Variants in DIAPH3 observed in about 807,000 individuals in gnomAD.
The protein encoded by DIAPH3 is diaphanous related formin 3.
Under a neutral mutation model 144.3 loss-of-function variants are expected in DIAPH3, and 117 were observed. The observed-to-expected ratio is 0.81, with a 90% CI of 0.70 to 0.95. DIAPH3 has a LOEUF of 0.95. DIAPH3 is among the 40% of genes least tolerant of loss of function. The pLI, the probability that DIAPH3 is intolerant of heterozygous loss-of-function variation, is 0.00. For missense variants in DIAPH3, 1,421 were observed against 1,412.7 expected (o/e 1.01, Z -0.09); for synonymous variants, 519 against 488.9 (o/e 1.06, Z -0.81).
chr13:59,740,748 A>C (rs2036400325), intron 27 of DIAPH3, among the ~76,000 whole-genome samples: 2 of 152,222 alleles, frequency 1.3e-5, no homozygotes, highest in Non-Finnish European at 2.9e-5. Flanking sequence ...ACAAGTTAGA[A>C]TCACTTGATC....
chr13:59,846,238 T>TA (rs34037446), intron 22 of DIAPH3, among the ~76,000 whole-genome samples: 50 of 150,268 alleles, frequency 3.3e-4, no homozygotes, highest in Admixed American at 2.3e-3. Flanking sequence ...TCTTTGTAAT[T>TA]AAAAAAAAAA....
intron 27 of DIAPH3, among the ~76,000 whole-genome samples, chr13:59,716,321 G>C (rs917230789): frequency 6.6e-6 from 1 of 151,998 alleles, no homozygotes; most frequent in Non-Finnish European, 1.5e-5. Flanking sequence ...GAATACAGGC[G>C]CCCGCCACCA....
chr13:60,052,394 A>G (rs1340319143), intron 4 of DIAPH3, among the ~76,000 whole-genome samples: 1 of 152,204 alleles, frequency 6.6e-6, no homozygotes, highest in East Asian at 1.9e-4. Context: ...ACTAGGAGTG[A>G]TAAAGTCAAG....
At chr13:60,083,476 G>A (rs189542040) in intron 4 of DIAPH3, among the ~76,000 whole-genome samples, 269 of 152,016 alleles carry the variant, frequency 1.8e-3, no homozygotes, top group African/African-American at 6.0e-3. Flanking sequence ...GTAAAGAGAT[G>A]AAACCTGAGT....
At chr13:59,807,586 C>T (rs1264878233) in intron 25 of DIAPH3, among the ~76,000 whole-genome samples, 1 of 151,480 alleles carries the variant, frequency 6.6e-6, no homozygotes, top group African/African-American at 2.4e-5. Flanking sequence ...CTATGCTCTG[C>T]AGAGGGCACC....
At chr13:59,870,740 G>C (rs555231676) in intron 21 of DIAPH3, among the ~76,000 whole-genome samples, 2 of 150,106 alleles carry the variant, frequency 1.3e-5, no homozygotes, top group Non-Finnish European at 3.0e-5. Flanking sequence ...GCACGATCTC[G>C]GCTCACCACA....
At chr13:59,901,585 A>G (rs2046436759) in intron 20 of DIAPH3, among the ~76,000 whole-genome samples, 1 of 152,172 alleles carries the variant, frequency 6.6e-6, no homozygotes, top group African/African-American at 2.4e-5. Flanking sequence ...TACCATCCCC[A>G]ATAAAAATAT....
chr13:60,065,718 T>C (rs1242273174), intron 4 of DIAPH3, among the ~76,000 whole-genome samples: 1 of 152,156 alleles, frequency 6.6e-6, no homozygotes. Context: ...CCAGAATAGT[T>C]TATAAATATG....
intron 5 of DIAPH3, 133 bp downstream of exon 5, chr13:60,042,557 C>A: frequency 9.4e-7 from 1 of 1,062,644 alleles, no homozygotes; most frequent in Non-Finnish European, 1.4e-6. Flanking sequence ...TTTCTTCCTG[C>A]ATATAAATAT....
chr13:59,851,108 A>G (rs1369313625), intron 22 of DIAPH3, among the ~76,000 whole-genome samples: 1 of 152,004 alleles, frequency 6.6e-6, no homozygotes, highest in Non-Finnish European at 1.5e-5. Flanking sequence ...CTTGATGAAC[A>G]TTGATGCAAA....
chr13:59,814,137 T>A (rs969749520), intron 24 of DIAPH3, among the ~76,000 whole-genome samples: 1 of 152,146 alleles, frequency 6.6e-6, no homozygotes, highest in Admixed American at 6.6e-5. Context: ...AGGTATAACA[T>A]TTTCTGATGT....
intron 3 of DIAPH3, among the ~76,000 whole-genome samples, chr13:60,106,832 A>T (rs1320931870): frequency 6.6e-6 from 1 of 152,168 alleles, no homozygotes; most frequent in East Asian, 1.9e-4. Context: ...TATGCTGTTT[A>T]CATTTGTTTA....
intron 4 of DIAPH3, among the ~76,000 whole-genome samples, chr13:60,045,470 G>C (rs890620565): frequency 6.6e-6 from 1 of 152,022 alleles, no homozygotes; most frequent in African/African-American, 2.4e-5. Flanking sequence ...TGTTCTATAG[G>C]CTATTATCTT....
chr13:60,153,318 A>T (rs990779703), intron 1 of DIAPH3: 2 of 152,054 alleles, frequency 1.3e-5, no homozygotes, highest in African/African-American at 4.8e-5. Context: ...AAGAGTTTTT[A>T]TTTTTTCTGC....
chr13:59,981,649 A>G (rs1460671753), intron 13 of DIAPH3, among the ~76,000 whole-genome samples: 1 of 151,286 alleles, frequency 6.6e-6, no homozygotes, highest in Non-Finnish European at 1.5e-5. Context: ...CTTCTTTTTT[A>G]TTAAATGAAA....
chr13:59,933,722 A>T (rs2048132484), intron 17 of DIAPH3, among the ~76,000 whole-genome samples: 1 of 152,178 alleles, frequency 6.6e-6, no homozygotes, highest in Non-Finnish European at 1.5e-5. Context: ...CATATGCAGC[A>T]TTTTATAAGG....
chr13:59,951,321 T>C (rs986771644), intron 17 of DIAPH3, among the ~76,000 whole-genome samples: 4 of 152,146 alleles, frequency 2.6e-5, no homozygotes, highest in African/African-American at 9.7e-5. Context: ...GTGAAGGACG[T>C]GTTTGCTTCC....
chr13:60,156,348 T>C (rs1409052104), intron 1 of DIAPH3, among the ~76,000 whole-genome samples: 1 of 152,176 alleles, frequency 6.6e-6, no homozygotes, highest in African/African-American at 2.4e-5. Context: ...ACAAAGGTAT[T>C]ATGTGCAAGT....
chr13:60,040,151 C>T (rs920436354), intron 5 of DIAPH3, among the ~76,000 whole-genome samples: 9 of 126,418 alleles, frequency 7.1e-5, no homozygotes, highest in East Asian at 2.5e-4. Context: ...CGCTTGAACT[C>T]GGGAGATGGA....
Sources: gnomAD v4.1 joint callset for allele counts (sites outside exome capture counted in the v4.1 genomes callset) on GRCh38, gnomAD v4.1.1 for gene constraint, MANE v1.5 for transcripts, NCBI Gene and HGNC (gene_info 2026-07-23, HGNC 2026-07-21) for gene names.